Variants in COL6A5 observed in about 807,000 individuals in gnomAD.
COL6A5 encodes the protein collagen alpha-5(VI) chain.
A neutral mutation model predicts 65.6 loss-of-function variants in COL6A5; 48 were observed. The ratio of observed to expected loss-of-function variants is 0.73; its 90% CI spans 0.58 to 0.93. COL6A5 has a LOEUF of 0.93. Among genes scored for constraint, COL6A5 ranks in the 40% least tolerant of loss-of-function variants. The pLI is 0.00. For synonymous variants in COL6A5, 291 were observed against 322.8 expected (o/e 0.90, Z 1.05); for missense variants, 914 against 928.3 (o/e 0.98, Z 0.20).
At position 130,376,331 on chromosome 3, in the gene COL6A5, C is replaced by T. The variant is rs919449865; in HGVS notation, c.162C>T (p.Asn54=). The T allele has an allele frequency of 2.5e-6, 4 of 1,613,724 alleles. No homozygotes were observed. In the Admixed American group the frequency reaches 6.7e-5, roughly 27 times the overall value. ...TCCCATTCGTGAAAACGTTCATCAA[C>T]AAAATGATCAACAGTCTCCCCATAG... The change falls in exon 3 of 42, where the codon AAC becomes AAT. Residue 54 remains asparagine, a synonymous_variant and NMD_transcript_variant. Transcript: ENST00000312481.
At chr3:130,483,957 TA>T in intron 7 of COL6A5, 77 bp from the exon 41 acceptor site, 2 of 1,292,658 alleles carry the variant, frequency 1.5e-6, no homozygotes, top group Non-Finnish European at 1.1e-6. Flanking sequence ...ATGTGGCATA[TA>T]AAGGAGTAGG....
At position 130,351,475 on chromosome 3, in the gene COL6A5, C is replaced by A. The variant is rs561560030; in HGVS notation, c.-29+5494C>A. Reference sequence around the variant, plus strand: ...CTTAAACAAATTTACAAGAAAAAAACCCCATCAAAAAGTGGGCAAAGTGTA... The same window carrying A: ...CTTAAACAAATTTACAAGAAAAAAAACCCATCAAAAAGTGGGCAAAGTGTA... On this transcript the variant is annotated intron_variant and NMD_transcript_variant, in intron 1 of 41. Transcript: ENST00000312481. 7.9e-5 allele frequency among the ~76,000 whole-genome samples: 12 copies of A among 152,234 alleles called. No individual in the cohort carries two copies. In the East Asian group the frequency reaches 1.4e-3, roughly 17 times the overall value.
At chr3:130,372,919 T>A (rs1474083858) in intron 1 of COL6A5, among the ~76,000 whole-genome samples, 2 of 152,214 alleles carry the variant, frequency 1.3e-5, no homozygotes, top group African/African-American at 4.8e-5. Context: ...TAAATCTATT[T>A]CTATTCTTAT....
exon 3 of COL6A5, chr3:130,376,779 C>A: frequency 6.2e-7 from 1 of 1,613,610 alleles, no homozygotes; most frequent in Non-Finnish European, 8.5e-7. Flanking sequence ...AAACATGACA[C>A]AGATCATCAA....
rs539563406 is a variant in COL6A5, at chr3:130,376,934, G to A, written c.667+98G>A. 4.2e-4 allele frequency: 556 copies of A among 1,336,390 alleles called. 6 individuals are homozygous for A. The South Asian group carries it at 5.3e-3, about 13-fold the overall frequency. The allele number at this position is 1,336,390 out of a possible 1,614,324, so 82.8% of individuals were successfully genotyped here. A position where few individuals can be genotyped will look rare whatever the true frequency, so the allele number is the denominator to read the frequency against. ...AACTCATGTTAGGTTTTCATGATTA[G>A]CCATGTTGAAGTATTGGAAACTTCT... On this transcript the variant is annotated intron_variant and NMD_transcript_variant, in intron 3 of 41. Coordinates refer to the COL6A5 transcript ENST00000312481.
Position 130,467,790 on chromosome 3 carries a change from T to TATCTAATAAAGGGTTG in COL6A5, c.1545-1003_1545-988dup, listed in dbSNP as rs551583027. On this transcript the variant is annotated intron_variant, in intron 5 of 7. Coordinates refer to ENST00000512836, the Ensembl canonical transcript of COL6A5. ...GTTGTTGTGAGAATTAATGTAAAAG[T>TATCTAATAAAGGGTTG]ATCTAATAAAGGGTTGAGTAGAAAT... Among the ~76,000 whole-genome samples, 1,146 of 152,174 alleles carry TATCTAATAAAGGGTTG rather than the reference T, an allele frequency of 7.5e-3. 7 individuals are homozygous for TATCTAATAAAGGGTTG. Among genetic ancestry groups the TATCTAATAAAGGGTTG allele is most frequent in the Middle Eastern group, 0.027 (8 of 294 alleles).
rs112081279 is a variant in COL6A5, at chr3:130,419,112, G to A, written c.4950+181G>A. Among the ~76,000 whole-genome samples, 1,456 of 152,142 alleles carry A rather than the reference G, an allele frequency of 9.6e-3. 18 individuals are homozygous for A. The highest frequency in any genetic ancestry group is 0.033 in the African/African-American group (1,381 of 41,502). ...CTCATTCCATAGATAGTCTGTCAAC[G>A]TGAAGGAGAACAGCAAGCAGGAGAA... On this transcript the variant is annotated intron_variant and NMD_transcript_variant, in intron 25 of 41. Transcript: ENST00000312481.
At chr3:130,391,094 C>T (rs764795645) in intron 6 of COL6A5, 85 bp from the exon 7 acceptor site, 4 of 923,598 alleles carry the variant, frequency 4.3e-6, no homozygotes, top group Non-Finnish European at 6.6e-6. Context: ...AGGCTCATGG[C>T]AAATGCCAGT....
chr3:130,410,493 T>G, exon 20 of COL6A5: 1 of 1,550,940 alleles, frequency 6.4e-7, no homozygotes, highest in Non-Finnish European at 8.7e-7. Flanking sequence ...CAGAAAGGGG[T>G]GCAAGGCAGT....
At chr3:130,440,124 G>GTGT in intron 2 of COL6A5, 42 bp from the exon 35 acceptor site, 1 of 1,514,646 alleles carries the variant, frequency 6.6e-7, no homozygotes. Context: ...GTCTTGTTGG[G>GTGT]TCAGTGTTGA....
intron 26 of COL6A5, 31 bp downstream of exon 26, chr3:130,421,234 T>C (rs1577492666): frequency 6.5e-7 from 1 of 1,548,726 alleles, no homozygotes; most frequent in African/African-American, 1.4e-5. Context: ...TTTTTATTCA[T>C]TGATGAATCA....
chr3:130,470,764 G>A, intron 6 of COL6A5, 107 bp from the exon 39 acceptor site: 1 of 746,984 alleles, frequency 1.3e-6, no homozygotes, highest in Non-Finnish European at 2.3e-6. Flanking sequence ...CGTTATAAAA[G>A]TTGTTCTTGA....
At chr3:130,440,544 T>C (rs61730388) in exon 3 of COL6A5, 9 of 1,613,514 alleles carry the variant, frequency 5.6e-6, no homozygotes, top group Non-Finnish European at 7.6e-6. Context: ...ACTGAAAATC[T>C]TTTTCCAGAA....
intron 7 of COL6A5, among the ~76,000 whole-genome samples, chr3:130,472,975 C>A (rs926050359): frequency 1.4e-5 from 2 of 145,342 alleles, no homozygotes; most frequent in South Asian, 2.2e-4. Context: ...GTAGAGAGAA[C>A]AAAATCAGCA....
At chr3:130,359,599 T>C (rs1205151577) in intron 1 of COL6A5, among the ~76,000 whole-genome samples, 2 of 152,128 alleles carry the variant, frequency 1.3e-5, no homozygotes, top group Non-Finnish European at 1.5e-5. Context: ...GAGAATCCTA[T>C]AAAGCAAAAG....
At chr3:130,408,808 GA>G (rs1296879658) in intron 17 of COL6A5, among the ~76,000 whole-genome samples, 4 of 152,166 alleles carry the variant, frequency 2.6e-5, no homozygotes, top group Non-Finnish European at 4.4e-5. Flanking sequence ...AAACTACGTT[GA>G]AATATTGGGG....
At chr3:130,471,062 A>G in intron 7 of COL6A5, 95 bp downstream of exon 39, 1 of 875,802 alleles carries the variant, frequency 1.1e-6, no homozygotes, top group East Asian at 2.7e-5. Flanking sequence ...TTCAAGATCC[A>G]AGTGTGTGTT....
chr3:130,382,406 G>C (rs747286330), intron 4 of COL6A5, among the ~76,000 whole-genome samples: 1 of 152,148 alleles, frequency 6.6e-6, no homozygotes, highest in African/African-American at 2.4e-5. Context: ...CAAAGCACTA[G>C]CAGCCAGTTT....
intron 7 of COL6A5, among the ~76,000 whole-genome samples, chr3:130,478,248 T>A (rs1379781435): frequency 2.0e-5 from 3 of 152,084 alleles, no homozygotes; most frequent in African/African-American, 7.2e-5. Context: ...CGTGATCATG[T>A]TGATGATGAC....
Sources: allele counts gnomAD v4.1 joint callset (sites outside exome capture counted in the v4.1 genomes callset), GRCh38; gene constraint gnomAD v4.1.1; transcripts MANE v1.5; gene names NCBI Gene and HGNC (gene_info 2026-07-23, HGNC 2026-07-21).